Variants in CHST11 observed in about 807,000 individuals in gnomAD.
The protein encoded by CHST11 is carbohydrate sulfotransferase 11.
A neutral mutation model predicts 30.4 loss-of-function variants in CHST11; 9 were observed. The ratio of observed to expected loss-of-function variants is 0.30; its 90% CI spans 0.18 to 0.52. The LOEUF (loss-of-function observed/expected upper bound fraction) is 0.52, where lower values mean the gene tolerates loss of function less well. Ranked by LOEUF, CHST11 falls within the 20% of genes least tolerant of loss-of-function variation. CHST11 has a pLI of 0.97. For synonymous variants in CHST11, 152 were observed against 187.8 expected, an observed-to-expected ratio of 0.81 and a Z score of 1.56; for missense variants, 348 against 460.6, an observed-to-expected ratio of 0.76 and a Z score of 2.24.
At chr12:104,490,305 G>C (rs572912859) in intron 1 of CHST11, among the ~76,000 whole-genome samples, 1 of 152,330 alleles carries the variant, frequency 6.6e-6, no homozygotes, top group East Asian at 1.9e-4. Flanking sequence ...AAAGATGGCA[G>C]ACGTGCTATT....
chr12:104,514,338 A>G, intron 1 of CHST11: 1 of 969,930 alleles, frequency 1.0e-6, no homozygotes, highest in Non-Finnish European at 1.7e-6. Context: ...CCTGTCTCTC[A>G]AGCAGCAGCT....
chr12:104,495,500 T>G (rs1347267497), intron 1 of CHST11, among the ~76,000 whole-genome samples: 1 of 151,938 alleles, frequency 6.6e-6, no homozygotes, highest in Non-Finnish European at 1.5e-5. Flanking sequence ...CTAATTTTAT[T>G]TTTTTTTGAT....
chr12:104,748,411 A>G (rs1188981066), intron 2 of CHST11, among the ~76,000 whole-genome samples: 1 of 151,344 alleles, frequency 6.6e-6, no homozygotes, highest in Admixed American at 6.6e-5. Flanking sequence ...TCCAGAGGTG[A>G]CTGTATTTGG....
At chr12:104,508,179 T>C (rs1338990704) in intron 1 of CHST11, among the ~76,000 whole-genome samples, 1 of 152,274 alleles carries the variant, frequency 6.6e-6, no homozygotes, top group East Asian at 1.9e-4. Context: ...TTTGTACTGC[T>C]GTTCCTTCTG....
chr12:104,494,665 C>T (rs890863892), intron 1 of CHST11, among the ~76,000 whole-genome samples: 2 of 152,242 alleles, frequency 1.3e-5, no homozygotes, highest in East Asian at 3.9e-4. Flanking sequence ...TAAGTCACCA[C>T]GAATTCAGAA....
intron 2 of CHST11, among the ~76,000 whole-genome samples, chr12:104,691,735 G>A (rs953177914): frequency 6.6e-6 from 1 of 152,086 alleles, no homozygotes; most frequent in Non-Finnish European, 1.5e-5. Context: ...TGATCCGCCC[G>A]CCTCAGCCTC....
intron 2 of CHST11, among the ~76,000 whole-genome samples, chr12:104,726,683 G>C (rs1156314716): frequency 6.6e-6 from 1 of 152,188 alleles, no homozygotes; most frequent in African/African-American, 2.4e-5. Flanking sequence ...GGCTGGGAAA[G>C]GGTGTGCCAG....
chr12:104,545,624 G>A (rs1166545042), intron 1 of CHST11, among the ~76,000 whole-genome samples: 7 of 152,296 alleles, frequency 4.6e-5, no homozygotes, highest in African/African-American at 1.2e-4. Flanking sequence ...TCAGGCTGCT[G>A]TAACAAACAA....
At chr12:104,510,351 A>G (rs2135980866) in intron 1 of CHST11, among the ~76,000 whole-genome samples, 1 of 152,302 alleles carries the variant, frequency 6.6e-6, no homozygotes, top group East Asian at 1.9e-4. Flanking sequence ...TGAACCAGAA[A>G]TGGGGGAAGG....
chr12:104,734,535 C>T (rs1206498401), intron 2 of CHST11, among the ~76,000 whole-genome samples: 1 of 152,200 alleles, frequency 6.6e-6, no homozygotes, highest in Non-Finnish European at 1.5e-5. Context: ...TGCTGTTTCT[C>T]CCGCCCCTAG....
chr12:104,656,509 G>A lies in CHST11; in HGVS notation c.204+54518G>A, dbSNP rs1965077. Among the ~76,000 whole-genome samples, 702 of 152,254 alleles carry A rather than the reference G, an allele frequency of 4.6e-3. 12 individuals are homozygous for A. In the East Asian group the frequency reaches 0.054, roughly 12 times the overall value. On this transcript the variant is annotated intron_variant, in intron 2 of 2. Coordinates refer to ENST00000303694, the MANE Select transcript of CHST11 (RefSeq NM_018413.6). ...TGCATAGATCCAGTCTTATCATCTCGTGTCATCTCCTATGAAGCCAACTAT... is the reference window on the plus strand; with the variant it reads ...TGCATAGATCCAGTCTTATCATCTCATGTCATCTCCTATGAAGCCAACTAT...
At chr12:104,525,612 A>G (rs1303350288) in intron 1 of CHST11, among the ~76,000 whole-genome samples, 1 of 152,238 alleles carries the variant, frequency 6.6e-6, no homozygotes, top group Non-Finnish European at 1.5e-5. Context: ...TTTACCTGAG[A>G]GAACTGGTAT....
At chr12:104,618,249 G>A (rs1305399459) in intron 2 of CHST11, among the ~76,000 whole-genome samples, 1 of 144,272 alleles carries the variant, frequency 6.9e-6, no homozygotes, top group Admixed American at 6.9e-5. Flanking sequence ...TTTAAAGCAG[G>A]GTGTTGCTCT....
chr12:104,649,465 G>C (rs2039470937), intron 2 of CHST11, among the ~76,000 whole-genome samples: 2 of 152,088 alleles, frequency 1.3e-5, no homozygotes, highest in South Asian at 4.1e-4. Flanking sequence ...GTTTGGAAAG[G>C]CTCAGTATCT....
rs745873622 is a variant in CHST11 at position 104,757,376 on chromosome 12, G to T, written c.632G>T (p.Arg211Leu). The stretch of plus-strand genomic sequence containing the variant: ...AAGTACAACATCTCCTTCCACAAGC[G>T]GTACGGCACCAAGATCATCAAACGC... ...TQKYNISFHK[R>L]YGTKIIKRQR... is the part of the protein sequence containing the mutation. Residue 211 changes from arginine to leucine, a missense_variant, in exon 3 of 3, where the codon CGG becomes CTG. Arg to Leu is a moderately radical substitution (Grantham distance 102). Around this residue, in one of 3 missense-constraint regions of CHST11, gnomAD observed 210 missense variants for 287.2 expected, o/e 0.73. Transcript: ENST00000303694. The surrounding 1 kb of genome is among the most constrained non-coding windows in gnomAD (Gnocchi z 6.5). 6.2e-7 allele frequency: 1 copy of T among 1,614,064 alleles called. No homozygotes were observed. Among genetic ancestry groups the T allele is most frequent in the East Asian group, 2.2e-5 (1 of 44,880 alleles).
At chr12:104,703,113 C>T (rs2040003467) in intron 2 of CHST11, among the ~76,000 whole-genome samples, 1 of 152,244 alleles carries the variant, frequency 6.6e-6, no homozygotes, top group Admixed American at 6.5e-5. Context: ...CATGGGAACT[C>T]ACCGGGGCGG....
At chr12:104,618,863 G>T (rs904027763) in intron 2 of CHST11, among the ~76,000 whole-genome samples, 3 of 152,194 alleles carry the variant, frequency 2.0e-5, no homozygotes, top group Non-Finnish European at 2.9e-5. Context: ...ATGGGACCAG[G>T]CGAGGCCACC....
At chr12:104,570,325 C>A (rs546933731) in intron 1 of CHST11, among the ~76,000 whole-genome samples, 1 of 152,168 alleles carries the variant, frequency 6.6e-6, no homozygotes, top group Admixed American at 6.5e-5. Flanking sequence ...CAAGCCTCCC[C>A]CTCCCACTAG....
At chr12:104,575,396 C>A (rs557526145) in intron 1 of CHST11, among the ~76,000 whole-genome samples, 1 of 152,084 alleles carries the variant, frequency 6.6e-6, no homozygotes, top group East Asian at 1.9e-4. Flanking sequence ...GCAGGAGGAA[C>A]TGGGGACAGG....
Sources: allele counts gnomAD v4.1 joint callset (sites outside exome capture counted in the v4.1 genomes callset), GRCh38; gene constraint gnomAD v4.1.1; regional missense constraint gnomAD v4.1.1; non-coding constraint Gnocchi (gnomAD v3.1); transcripts MANE v1.5; gene names NCBI Gene and HGNC (gene_info 2026-07-23, HGNC 2026-07-21).